Variants in SHISAL1 observed in about 807,000 individuals in gnomAD.
The protein encoded by SHISAL1 is shisa like 1.
A neutral mutation model predicts 22.6 loss-of-function variants in SHISAL1; 9 were observed. That is an observed-to-expected ratio of 0.40 (90% CI 0.24 to 0.70). The LOEUF (loss-of-function observed/expected upper bound fraction) is 0.70, where lower values mean the gene tolerates loss of function less well. Ranked by LOEUF, SHISAL1 falls within the 30% of genes least tolerant of loss-of-function variation. The pLI is 0.39. For missense variants in SHISAL1, 246 were observed against 270.6 expected (o/e 0.91, Z 0.64); for synonymous variants, 119 against 115.4 (o/e 1.03, Z -0.20).
chr22:44,301,100 G>A, intron 1 of SHISAL1, 123 bp from the exon 2 acceptor site: 1 of 618,236 alleles, frequency 1.6e-6, no homozygotes. Flanking sequence ...CGGGAGCAGG[G>A]GCCGGGTGCG....
chr22:44,243,738 C>G lies in SHISAL1; in HGVS notation c.*5947G>C, dbSNP rs1289365815. 6.6e-6 allele frequency: 1 copy of G among 152,202 alleles called. No homozygotes were observed. The highest frequency in any genetic ancestry group is 2.4e-5 in the African/African-American group (1 of 41,442). The allele number at this position is 152,202 out of a possible 1,614,324, so 9.4% of individuals were successfully genotyped here. On this transcript the variant is annotated 3_prime_UTR_variant, in exon 5 of 5. Transcript: ENST00000381176. Reference sequence around the variant, plus strand: ...TTATAAAAACTACTGTATATAAAGACAAAAGCAGAGCAACAGCGGTCAGTG... The same window carrying G: ...TTATAAAAACTACTGTATATAAAGAGAAAAGCAGAGCAACAGCGGTCAGTG...
chr22:44,316,892 C>CTA (rs1200896445), upstream of SHISAL1, among the ~76,000 whole-genome samples: 1 of 152,210 alleles, frequency 6.6e-6, no homozygotes, highest in African/African-American at 2.4e-5. Context: ...GGGTTGCTGC[C>CTA]TAGAGAGTTA....
chr22:44,318,604 C>T, the SHISAL1 span, among the ~76,000 whole-genome samples: 1 of 152,240 alleles, frequency 6.6e-6, no homozygotes, highest in Admixed American at 6.5e-5. Context: ...CTGCTAACCC[C>T]AGTTTTACTT....
the SHISAL1 span, among the ~76,000 whole-genome samples, chr22:44,330,969 T>C: frequency 6.6e-6 from 1 of 152,052 alleles, no homozygotes; most frequent in Non-Finnish European, 1.5e-5. Flanking sequence ...CAGGCCCCTC[T>C]GGGTCCGCAG....
Position 44,247,735 on chromosome 22 carries a change from ATGCTTTATACCCTAGCAAGTTTGTTC to A in SHISAL1, c.*1924_*1949del, listed in dbSNP as rs1182570075. On this transcript the variant is annotated 3_prime_UTR_variant, in exon 5 of 5. Coordinates refer to ENST00000381176, the MANE Select transcript of SHISAL1 (RefSeq NM_001099294.2). ...GATGGACAGCCAGGCAGAATGGAGG[ATGCTTTATACCCTAGCAAGTTTGTTC>A]TGCTTTTCCAAAGGCAGGACATTGT... The A allele has an allele frequency of 1.3e-5, 2 of 152,292 alleles. No individual in the cohort carries two copies. The highest frequency in any genetic ancestry group is 4.8e-5 in the African/African-American group (2 of 41,466). The allele number at this position is 152,292 out of a possible 1,614,324, so 9.4% of individuals were successfully genotyped here. A position where few individuals can be genotyped will look rare whatever the true frequency, so the allele number is the denominator to read the frequency against.
upstream of SHISAL1, among the ~76,000 whole-genome samples, chr22:44,316,318 A>G (rs1411299541): frequency 6.7e-6 from 1 of 149,440 alleles, no homozygotes; most frequent in African/African-American, 2.5e-5. Flanking sequence ...TCTAATGGGA[A>G]TGGTACCCAG....
At chr22:44,254,790 T>C in intron 4 of SHISAL1, among the ~76,000 whole-genome samples, 1 of 136,926 alleles carries the variant, frequency 7.3e-6, no homozygotes, top group Non-Finnish European at 1.6e-5. Flanking sequence ...GGAGATATAA[T>C]ATGTAGAAGG....
intron 3 of SHISAL1, among the ~76,000 whole-genome samples, chr22:44,290,359 G>A (rs756119686): frequency 6.6e-5 from 10 of 152,152 alleles, no homozygotes; most frequent in African/African-American, 2.2e-4. Flanking sequence ...GAGAAACCCC[G>A]TCTCTACTAA....
chr22:44,254,410 G>A (rs997057610), intron 4 of SHISAL1, among the ~76,000 whole-genome samples: 1 of 151,912 alleles, frequency 6.6e-6, no homozygotes, highest in Non-Finnish European at 1.5e-5. Context: ...ACTCTAGCTG[G>A]AGTGCAATGG....
chr22:44,292,475 G>A (rs1452986844), intron 3 of SHISAL1, among the ~76,000 whole-genome samples: 4 of 152,188 alleles, frequency 2.6e-5, no homozygotes, highest in Admixed American at 2.6e-4. Context: ...TGGGACAGGT[G>A]ACTTCCCCAG....
chr22:44,253,867 T>A (rs1276743074), intron 4 of SHISAL1, among the ~76,000 whole-genome samples: 1 of 150,318 alleles, frequency 6.7e-6, no homozygotes, highest in Admixed American at 6.6e-5. Context: ...AAACACAGTC[T>A]ACCTTCATTC....
intron 4 of SHISAL1, among the ~76,000 whole-genome samples, chr22:44,257,265 G>T (rs1173483052): frequency 1.3e-5 from 2 of 152,216 alleles, no homozygotes; most frequent in Non-Finnish European, 2.9e-5. Context: ...ATTAATCACA[G>T]AAAGGTGGTT....
intron 4 of SHISAL1, among the ~76,000 whole-genome samples, chr22:44,271,054 G>T (rs1265764298): frequency 6.6e-6 from 1 of 152,146 alleles, no homozygotes; most frequent in Non-Finnish European, 1.5e-5. Flanking sequence ...AGATTTTGGG[G>T]GTTCTTCCTA....
chr22:44,255,356 A>T (rs2055077459), intron 4 of SHISAL1, among the ~76,000 whole-genome samples: 1 of 152,118 alleles, frequency 6.6e-6, no homozygotes, highest in African/African-American at 2.4e-5. Context: ...AATATACCCC[A>T]AACCAAAATC....
At chr22:44,302,013 A>G (rs1008292380) in intron 1 of SHISAL1, among the ~76,000 whole-genome samples, 6 of 152,026 alleles carry the variant, frequency 3.9e-5, no homozygotes, top group Non-Finnish European at 8.8e-5. Context: ...ACAACACTGA[A>G]TTTACTCAAT....
rs538973589 is a variant in SHISAL1 at position 44,310,215 on chromosome 22, T to C, written c.-33+2536A>G. Among the ~76,000 whole-genome samples, 2 of 152,352 alleles carry C rather than the reference T, an allele frequency of 1.3e-5. No individual in the cohort carries two copies. The highest frequency in any genetic ancestry group is 3.9e-4 in the East Asian group (2 of 5,192). On this transcript the variant is annotated intron_variant, in intron 1 of 4. Transcript: ENST00000381176. The surrounding 1 kb of genome is among the most constrained non-coding windows in gnomAD (Gnocchi z 4.0). ...GCTGAGACCATTTCGTTTTTGCTCA[T>C]CTCTATGGGCAGCACAGGCCTGACA...
intron 3 of SHISAL1, among the ~76,000 whole-genome samples, chr22:44,292,243 A>G (rs1455933614): frequency 6.6e-6 from 1 of 152,148 alleles, no homozygotes; most frequent in Non-Finnish European, 1.5e-5. Context: ...TTGCATCTGC[A>G]TAAAGCCCCT....
chr22:44,322,934 T>TGTCCGTTCACCCATCCATCCATCCATCC, the SHISAL1 span, among the ~76,000 whole-genome samples: 1 of 151,686 alleles, frequency 6.6e-6, no homozygotes, highest in Non-Finnish European at 1.5e-5. Context: ...CCCATCCATC[T>TGTCCGTTCACCCATCCATCCATCCATCC]GTCCGTCCAC....
chr22:44,307,021 G>A (rs1180158193), intron 1 of SHISAL1, among the ~76,000 whole-genome samples: 1 of 152,190 alleles, frequency 6.6e-6, no homozygotes, highest in African/African-American at 2.4e-5. Context: ...TGGGATCTGG[G>A]AGCTCTGATA....
Sources: gnomAD v4.1 joint callset for allele counts (sites outside exome capture counted in the v4.1 genomes callset) on GRCh38, gnomAD v4.1.1 for gene constraint, Gnocchi (gnomAD v3.1) non-coding constraint, MANE v1.5 for transcripts, NCBI Gene and HGNC (gene_info 2026-07-23, HGNC 2026-07-21) for gene names.